Variants in ABCB1 observed in about 807,000 individuals in gnomAD.
ABCB1 encodes ATP binding cassette subfamily B member 1, also known as ATP-dependent translocase ABCB1.
Under a neutral mutation model 142.0 loss-of-function variants are expected in ABCB1, and 69 were observed. The observed-to-expected ratio is 0.49, with a 90% CI of 0.40 to 0.59. The LOEUF (loss-of-function observed/expected upper bound fraction) is 0.59. ABCB1 is among the 20% of genes least tolerant of loss of function. The pLI is 0.00. For synonymous variants in ABCB1, 532 were observed against 539.2 expected, an observed-to-expected ratio of 0.99 and a Z score of 0.18; for missense variants, 1,326 against 1,554.7, an observed-to-expected ratio of 0.85 and a Z score of 2.47.
intron 1 of ABCB1, among the ~76,000 whole-genome samples, chr7:87,647,939 C>T (rs1823182185): frequency 6.6e-6 from 1 of 152,080 alleles, no homozygotes; most frequent in South Asian, 2.1e-4. Context: ...AATCCCAACA[C>T]TTTGGGAGGC....
chr7:87,583,741 G>A (rs1332998614), intron 4 of ABCB1, among the ~76,000 whole-genome samples: 2 of 152,080 alleles, frequency 1.3e-5, no homozygotes, highest in African/African-American at 2.4e-5. Flanking sequence ...CATTTGGGAT[G>A]ATATAACAAA....
At chr7:87,518,654 G>T (rs890267265) in intron 23 of ABCB1, among the ~76,000 whole-genome samples, 1 of 152,176 alleles carries the variant, frequency 6.6e-6, no homozygotes, top group African/African-American at 2.4e-5. Flanking sequence ...TACTAATTAT[G>T]TTATGCTATC....
chr7:87,631,686 C>T (rs1029576596), intron 1 of ABCB1, among the ~76,000 whole-genome samples: 3 of 152,208 alleles, frequency 2.0e-5, no homozygotes, highest in Admixed American at 6.5e-5. Flanking sequence ...AGCCACCTTG[C>T]GCCCGGCCTC....
chr7:87,507,901 C>T (rs952703352), intron 26 of ABCB1, among the ~76,000 whole-genome samples: 20 of 152,146 alleles, frequency 1.3e-4, no homozygotes, highest in African/African-American at 4.8e-4. Flanking sequence ...CCAAATACTG[C>T]ATGTTCTCAC....
upstream of ABCB1, among the ~76,000 whole-genome samples, chr7:87,603,771 A>G (rs1291716604): frequency 6.6e-6 from 1 of 152,254 alleles, no homozygotes; most frequent in Non-Finnish European, 1.5e-5. Flanking sequence ...AAAAACTTAG[A>G]TAAGGACCAT....
intron 1 of ABCB1, among the ~76,000 whole-genome samples, chr7:87,644,289 T>C (rs897031504): frequency 2.0e-5 from 3 of 152,246 alleles, no homozygotes; most frequent in African/African-American, 7.2e-5. Flanking sequence ...GCTTATATTA[T>C]GTTTGGTGTG....
intron 1 of ABCB1, chr7:87,710,581 G>C: frequency 6.3e-7 from 1 of 1,582,664 alleles, no homozygotes; most frequent in Non-Finnish European, 8.6e-7. Context: ...GTAGAGCCTG[G>C]ATCAGAGTAG....
At chr7:87,520,992 T>A (rs1442720993) in intron 21 of ABCB1, 116 bp from the exon 22 acceptor site, 13 of 792,904 alleles carry the variant, frequency 1.6e-5, no homozygotes, top group Non-Finnish European at 2.8e-5. Flanking sequence ...TATTATTATG[T>A]ATGAGCATTT....
At chr7:87,560,224 G>A (rs1380781811) in intron 8 of ABCB1, among the ~76,000 whole-genome samples, 1 of 152,122 alleles carries the variant, frequency 6.6e-6, no homozygotes, top group Non-Finnish European at 1.5e-5. Context: ...TAAAGCAAAA[G>A]CAAAGACTTT....
intron 21 of ABCB1, chr7:87,521,190 T>G: frequency 2.5e-6 from 1 of 396,082 alleles, no homozygotes; most frequent in Non-Finnish European, 4.6e-6. Context: ...GTACTTCTAT[T>G]GCAGTGCTCT....
intron 1 of ABCB1, among the ~76,000 whole-genome samples, chr7:87,660,103 A>T (rs1024439238): frequency 6.6e-6 from 1 of 152,104 alleles, no homozygotes; most frequent in Non-Finnish European, 1.5e-5. Flanking sequence ...AGGTTATCCT[A>T]GCCTCAAAAA....
At chr7:87,514,388 T>A (rs1241107575) in intron 25 of ABCB1, among the ~76,000 whole-genome samples, 2 of 152,190 alleles carry the variant, frequency 1.3e-5, no homozygotes, top group African/African-American at 4.8e-5. Context: ...CTATCCCCCA[T>A]CATAGTCGTT....
intron 1 of ABCB1, among the ~76,000 whole-genome samples, chr7:87,612,365 G>C (rs1177091416): frequency 6.6e-6 from 1 of 152,012 alleles, no homozygotes; most frequent in African/African-American, 2.4e-5. Flanking sequence ...GTTTTTCCTA[G>C]GTTTCCTTCT....
At chr7:87,701,526 C>T (rs964153763) in intron 1 of ABCB1, among the ~76,000 whole-genome samples, 12 of 152,130 alleles carry the variant, frequency 7.9e-5, no homozygotes, top group African/African-American at 2.2e-4. Flanking sequence ...ATGATCAGTT[C>T]GTGGAATTAC....
chr7:87,545,791 T>C lies in ABCB1; in HGVS notation c.1887+72A>G, dbSNP rs1371493971. On this transcript the variant is annotated intron_variant, in intron 15 of 27. Coordinates refer to ENST00000622132, the MANE Select transcript of ABCB1 (RefSeq NM_001348946.2). ...TAAGGTAATCAAATCAAATAATATT[T>C]ATTTTTAGCATTAAATGCAAAATCA... 3.3e-6 allele frequency: 5 copies of C among 1,497,146 alleles called. No homozygotes were observed. In the African/African-American group the frequency reaches 4.2e-5, roughly 12 times the overall value. 92.7% of individuals were successfully genotyped at this position (1,497,146 alleles called of 1,614,324 possible).
chr7:87,577,934 T>C (rs765269882), intron 4 of ABCB1, among the ~76,000 whole-genome samples: 3 of 152,188 alleles, frequency 2.0e-5, no homozygotes, highest in Non-Finnish European at 4.4e-5. Context: ...TGTGATCCAT[T>C]TGTCCATTTT....
chr7:87,595,874 C>T (rs1245003073), intron 2 of ABCB1, 60 bp from the exon 3 acceptor site: 1 of 1,299,528 alleles, frequency 7.7e-7, no homozygotes. Context: ...TTAAATTACC[C>T]AAATTAACAT....
chr7:87,603,172 T>TAAC (rs1425397146), upstream of ABCB1: 1 of 152,232 alleles, frequency 6.6e-6, no homozygotes, highest in Non-Finnish European at 1.5e-5. Flanking sequence ...ATGATAATAA[T>TAAC]AACAACTAAC....
At position 87,519,404 on chromosome 7, in the gene ABCB1, T is replaced by C. The variant is rs1486026524; in HGVS notation, c.2849A>G (p.Tyr950Cys). The change falls in exon 23 of 28, where the codon TAT becomes TGT. Residue 950 changes from tyrosine (Y) to cysteine (C), a missense_variant. Tyr to Cys is a radical substitution (Grantham distance 194). Transcript: ENST00000622132. Reference protein sequence around the residue: ...ITFSFTQAMMYFSYAGCFRFG... With the variant: ...ITFSFTQAMMCFSYAGCFRFG... ...CCGGAAACATCCAGCATAGGAAAAA[T>C]ACATCATTGCCTGGGTGAAGGAAAA... 1.2e-6 allele frequency: 2 copies of C among 1,614,112 alleles called. No individual in the cohort carries two copies. Among genetic ancestry groups the C allele is most frequent in the East Asian group, 2.2e-5 (1 of 44,866 alleles).
Sources: gnomAD v4.1 joint callset for allele counts (sites outside exome capture counted in the v4.1 genomes callset) on GRCh38, gnomAD v4.1.1 for gene constraint, MANE v1.5 for transcripts, NCBI Gene and HGNC (gene_info 2026-07-23, HGNC 2026-07-21) for gene names.